TEX11: variants seen among roughly 807,000 people sequenced by gnomAD.
TEX11 encodes testis expressed 11, also known as testis-expressed protein 11.
TEX11 carries 7 observed loss-of-function variants against 84.4 expected under a neutral mutation model. That is an observed-to-expected ratio of 0.08 (90% confidence interval 0.05 to 0.16). TEX11 has a LOEUF of 0.16. Ranked by LOEUF, TEX11 falls within the 10% of genes least tolerant of loss-of-function variation. The pLI, the probability that TEX11 is intolerant of heterozygous loss-of-function variation, is 1.00. For synonymous variants in TEX11, 264 were observed against 222.8 expected (o/e 1.18, Z -1.64); for missense variants, 551 against 660.5 (o/e 0.83, Z 1.82).
intron 18 of TEX11, 65 bp from the exon 19 acceptor site, chrX:70,624,989 A>C (rs1603159428): frequency 2.6e-6 from 2 of 757,857 alleles, no homozygotes; most frequent in Admixed American, 6.0e-5. Context: ...TATTATCTAT[A>C]TTCCTGTTCA....
intron 4 of TEX11, among the ~76,000 whole-genome samples, chrX:70,869,101 A>ATAAAGTAAAG (rs2091616784): frequency 3.9e-5 from 4 of 102,564 alleles, no homozygotes; most frequent in African/African-American, 1.5e-4. Flanking sequence ...ATAAAATAAA[A>ATAAAGTAAAG]TAAAATAAAA....
At chrX:70,801,170 T>C (rs1162688656) in intron 9 of TEX11, among the ~76,000 whole-genome samples, 1 of 111,059 alleles carries the variant, frequency 9.0e-6, no homozygotes, top group East Asian at 2.8e-4. Context: ...TATCTGTCCA[T>C]TTCTCTTTTG....
chrX:70,522,283 AAAG>A, the TEX11 span, among the ~76,000 whole-genome samples: 1 of 112,038 alleles, frequency 8.9e-6, no homozygotes, highest in African/African-American at 3.2e-5. Flanking sequence ...AGAGAGAGTG[AAAG>A]AAGGAGGGAA....
intron 16 of TEX11, 113 bp downstream of exon 16, chrX:70,670,264 G>T: frequency 1.2e-6 from 1 of 821,222 alleles, no homozygotes. Flanking sequence ...TCTATATGAG[G>T]GAACTCTCAG....
At chrX:70,513,085 G>C in the TEX11 span, among the ~76,000 whole-genome samples, 1 of 108,690 alleles carries the variant, frequency 9.2e-6, no homozygotes. Context: ...TGGGCATGAT[G>C]GCTCACGCCT....
At chrX:70,602,169 A>AC (rs1232136485) in intron 24 of TEX11, among the ~76,000 whole-genome samples, 10 of 110,641 alleles carry the variant, frequency 9.0e-5, no homozygotes, top group South Asian at 3.9e-4. Context: ...CGGGGGGCTG[A>AC]CCCCCCCACC....
intron 28 of TEX11, among the ~76,000 whole-genome samples, chrX:70,533,523 G>A (rs1174538099): frequency 9.0e-6 from 1 of 111,380 alleles, no homozygotes; most frequent in African/African-American, 3.3e-5. Flanking sequence ...GAGGAGTGGC[G>A]AGAAAATAAA....
At chrX:70,784,640 T>C (rs969346391) in intron 9 of TEX11, among the ~76,000 whole-genome samples, 1 of 111,664 alleles carries the variant, frequency 9.0e-6, no homozygotes, top group Non-Finnish European at 1.9e-5. Flanking sequence ...AGTCTCAGGA[T>C]ACAAAATCAA....
At chrX:70,693,038 C>G (rs1450944020) in intron 13 of TEX11, among the ~76,000 whole-genome samples, 2 of 111,086 alleles carry the variant, frequency 1.8e-5, no homozygotes, top group African/African-American at 6.6e-5. Flanking sequence ...GTCAGGAGTT[C>G]AAGACCAGCC....
At chrX:70,810,256 C>T (rs1039648256) in intron 8 of TEX11, among the ~76,000 whole-genome samples, 2 of 111,687 alleles carry the variant, frequency 1.8e-5, no homozygotes, top group African/African-American at 6.5e-5. Context: ...AGATCTAGAA[C>T]CAGAAATACT....
At chrX:70,742,437 T>A (rs2090739543) in intron 10 of TEX11, among the ~76,000 whole-genome samples, 2 of 109,831 alleles carry the variant, frequency 1.8e-5, no homozygotes, top group African/African-American at 3.3e-5. Flanking sequence ...AAACTTTTTT[T>A]AAAATCTTAG....
At chrX:70,908,362 T>G in intron 1 of TEX11, among the ~76,000 whole-genome samples, 1 of 110,596 alleles carries the variant, frequency 9.0e-6, no homozygotes, top group Non-Finnish European at 1.9e-5. Flanking sequence ...CAGTCCCGCT[T>G]CAACGTAATT....
At chrX:70,522,798 C>T in the TEX11 span, among the ~76,000 whole-genome samples, 1 of 110,159 alleles carries the variant, frequency 9.1e-6, no homozygotes, top group African/African-American at 3.3e-5. Context: ...CCACCTTGGC[C>T]TCCCCAAGTG....
intron 4 of TEX11, among the ~76,000 whole-genome samples, chrX:70,869,918 A>C (rs899457049): frequency 8.0e-5 from 9 of 112,375 alleles, no homozygotes; most frequent in Non-Finnish European, 1.5e-4. Context: ...CTTCAAGCCA[A>C]AGGCAGCTGA....
downstream of TEX11, among the ~76,000 whole-genome samples, chrX:70,527,181 A>C (rs1425262986): frequency 1.8e-5 from 2 of 112,183 alleles, no homozygotes; most frequent in African/African-American, 6.5e-5. Flanking sequence ...TAGTGGTGAA[A>C]GTTTAATGAG....
intron 13 of TEX11, among the ~76,000 whole-genome samples, chrX:70,695,726 C>G (rs924625747): frequency 8.9e-6 from 1 of 111,768 alleles, no homozygotes; most frequent in Non-Finnish European, 1.9e-5. Context: ...CTAGAATTAT[C>G]ATTATAAATT....
At chrX:70,546,433 T>C (rs2147940486) in intron 28 of TEX11, among the ~76,000 whole-genome samples, 1 of 111,596 alleles carries the variant, frequency 9.0e-6, no homozygotes, top group South Asian at 3.8e-4. Context: ...CTTCAAATGA[T>C]ACCCTTAAGA....
rs768708655 is a variant in TEX11, at chrX:70,639,248, G to A, written c.1484-9513C>T. Among the ~76,000 whole-genome samples, 840 of 111,930 alleles carry A rather than the reference G, an allele frequency of 7.5e-3. 8 individuals carry two copies. Among genetic ancestry groups the A allele is most frequent in the African/African-American group, 0.025 (785 of 30,840 alleles). On this transcript the variant is annotated intron_variant, in intron 17 of 29. Transcript: ENST00000374333. ...ACAGCGCACCACGAGATTATATCCC[G>A]CACCTGGCTCGGAGGGTCCTACCCC...
intron 9 of TEX11, among the ~76,000 whole-genome samples, chrX:70,793,989 T>G (rs2147797752): frequency 8.9e-6 from 1 of 111,968 alleles, no homozygotes; most frequent in East Asian, 2.8e-4. Flanking sequence ...TCATTCTCCC[T>G]GCAGGAGCAC....
Sources: allele counts gnomAD v4.1 joint callset (sites outside exome capture counted in the v4.1 genomes callset), GRCh38; gene constraint gnomAD v4.1.1; transcripts MANE v1.5; gene names NCBI Gene and HGNC (gene_info 2026-07-23, HGNC 2026-07-21).